The following PKHD1 variants were observed in gnomAD, a reference collection of about 807,000 sequenced individuals.
The protein encoded by PKHD1 is PKHD1 ciliary IPT domain containing fibrocystin/polyductin.
A neutral mutation model predicts 412.0 loss-of-function variants in PKHD1; 291 were observed. That is an observed-to-expected ratio of 0.71 (90% CI 0.64 to 0.78). The LOEUF (loss-of-function observed/expected upper bound fraction) is 0.78, where lower values mean the gene tolerates loss of function less well. PKHD1 is among the 30% of genes least tolerant of loss of function. The pLI is 0.00. For missense variants in PKHD1, 4,825 were observed against 4,950.7 expected, an observed-to-expected ratio of 0.97 and a Z score of 0.76; for synonymous variants, 1,777 against 1,821.5, an observed-to-expected ratio of 0.98 and a Z score of 0.62.
chr6:51,794,572 T>G (rs374419398), intron 52 of PKHD1, among the ~76,000 whole-genome samples: 14 of 152,356 alleles, frequency 9.2e-5, no homozygotes, highest in African/African-American at 3.1e-4. Flanking sequence ...GCTTTTGGCA[T>G]CTTCATCATG....
chr6:51,629,754 A>G (rs1043460792), intron 65 of PKHD1, among the ~76,000 whole-genome samples: 5 of 152,126 alleles, frequency 3.3e-5, no homozygotes, highest in Admixed American at 6.6e-5. Context: ...ATGGAACACC[A>G]TTTTTACTTG....
chr6:51,673,964 G>A (rs1775431839), intron 60 of PKHD1, among the ~76,000 whole-genome samples: 1 of 152,170 alleles, frequency 6.6e-6, no homozygotes. Flanking sequence ...AAGGTTGGGT[G>A]AGCTCATGAA....
At chr6:51,951,220 T>C (rs1790317802) in intron 36 of PKHD1, among the ~76,000 whole-genome samples, 1 of 152,132 alleles carries the variant, frequency 6.6e-6, no homozygotes, top group African/African-American at 2.4e-5. Context: ...ACTTATTTTA[T>C]CAACAAAGCT....
chr6:51,675,388 C>A (rs1193944522), intron 60 of PKHD1, among the ~76,000 whole-genome samples: 1 of 152,110 alleles, frequency 6.6e-6, no homozygotes, highest in Admixed American at 6.6e-5. Flanking sequence ...TCTTTTCTCC[C>A]ACTTCTCCAA....
At chr6:51,730,823 G>A (rs940986550) in intron 60 of PKHD1, among the ~76,000 whole-genome samples, 1 of 152,152 alleles carries the variant, frequency 6.6e-6, no homozygotes, top group African/African-American at 2.4e-5. Flanking sequence ...GCATACACAT[G>A]AAAATATAAA....
chr6:51,855,926 T>C lies in PKHD1; in HGVS notation c.7878A>G (p.Gln2626=). 2.5e-6 allele frequency: 4 copies of C among 1,614,054 alleles called. No individual in the cohort carries two copies. The highest frequency in any genetic ancestry group is 2.5e-6 in the Non-Finnish European group (3 of 1,179,894). Residue 2626 remains glutamine (Q), a synonymous_variant, in exon 49 of 67, where the codon CAA becomes CAG. Coordinates refer to ENST00000371117, the MANE Select transcript of PKHD1 (RefSeq NM_138694.4). ...LLLDQETYSL[Q]SENLWINRSL... ...ATCTGTTGATCCAAAGGTTCTCAGA[T>C]TGCAATGAGTAGGTCTCTTGGTCCA...
chr6:51,845,070 A>T (rs1673507623), intron 50 of PKHD1, among the ~76,000 whole-genome samples: 2 of 152,194 alleles, frequency 1.3e-5, no homozygotes, highest in Non-Finnish European at 2.9e-5. Flanking sequence ...TTACAATCTA[A>T]TCAATATATA....
intron 37 of PKHD1, among the ~76,000 whole-genome samples, chr6:51,913,173 A>G (rs1260431980): frequency 6.6e-6 from 1 of 152,054 alleles, no homozygotes; most frequent in Non-Finnish European, 1.5e-5. Context: ...AGACCTCCAT[A>G]ACTAATTTCC....
In PKHD1 at chr6:51,906,297, T is replaced by C; in HGVS notation, c.6726A>G (p.Arg2242=). ...QGCTVRNSFS[R]GLSMCGTLGL... Reference sequence around the variant, plus strand: ...CCAAGGTCCCGCACATGCTGAGGCCTCTACTGAAGGAGTTCCTCACTGTGC... The same window carrying C: ...CCAAGGTCCCGCACATGCTGAGGCCCCTACTGAAGGAGTTCCTCACTGTGC... Residue 2242 remains arginine (R), a synonymous_variant, in exon 41 of 67, where the codon AGA becomes AGG. Coordinates refer to ENST00000371117, the MANE Select transcript of PKHD1 (RefSeq NM_138694.4). The C allele has an allele frequency of 6.2e-7, 1 of 1,609,586 alleles. No homozygotes were observed. The highest frequency in any genetic ancestry group is 1.1e-5 in the South Asian group (1 of 90,996).
intron 52 of PKHD1, among the ~76,000 whole-genome samples, chr6:51,824,825 C>A (rs1408519828): frequency 1.3e-5 from 2 of 152,116 alleles, no homozygotes; most frequent in East Asian, 1.9e-4. Flanking sequence ...AAAGATTTGA[C>A]CACAAGTTGC....
intron 52 of PKHD1, among the ~76,000 whole-genome samples, chr6:51,808,672 T>G (rs748537489): frequency 6.6e-6 from 1 of 152,128 alleles, no homozygotes; most frequent in East Asian, 1.9e-4. Flanking sequence ...GACTTCCTGT[T>G]TCTAATGTCC....
intron 36 of PKHD1, among the ~76,000 whole-genome samples, chr6:51,955,481 T>C (rs1205765450): frequency 6.6e-6 from 1 of 152,066 alleles, no homozygotes; most frequent in African/African-American, 2.4e-5. Context: ...AAAATGTCAA[T>C]TCTATTTTAT....
At chr6:52,028,617 T>C (rs757745017) in intron 29 of PKHD1, among the ~76,000 whole-genome samples, 18 of 151,118 alleles carry the variant, frequency 1.2e-4, no homozygotes, top group African/African-American at 1.9e-4. Flanking sequence ...GCTCAAGCAA[T>C]CCTCCCAACT....
chr6:51,989,951 G>GGAAA (rs1796800960), intron 35 of PKHD1, among the ~76,000 whole-genome samples: 1 of 104,568 alleles, frequency 9.6e-6, no homozygotes, highest in African/African-American at 3.7e-5. Context: ...AAGGAAGAAA[G>GGAAA]GAAGGAAAGA....
chr6:51,650,340 CA>C (rs1295170415), intron 61 of PKHD1, among the ~76,000 whole-genome samples: 11 of 152,096 alleles, frequency 7.2e-5, no homozygotes, highest in African/African-American at 2.4e-4. Context: ...AGATGTTTGG[CA>C]ACTAAATGCA....
Position 51,847,864 on chromosome 6 carries a change from C to G in PKHD1, c.8018G>C (p.Gly2673Ala). The part of the protein sequence containing the change: ...DILLRCGSRV[G>A]LSFPFLPSPG... The stretch of plus-strand genomic sequence containing the variant: ...TGATGGAAGAAATGGAAAAGACAGA[C>G]CCACTCGACTCCCACATCTTAGGAG... The change falls in exon 50 of 67, where the codon GGT becomes GCT. Residue 2673 changes from glycine (G) to alanine (A), a missense_variant. Transcript: ENST00000371117. 6.2e-7 allele frequency: 1 copy of G among 1,613,854 alleles called. No individual in the cohort carries two copies. Among genetic ancestry groups the G allele is most frequent in the Non-Finnish European group, 8.5e-7 (1 of 1,179,734 alleles).
chr6:51,931,359 T>C (rs1380916572), intron 37 of PKHD1, among the ~76,000 whole-genome samples: 2 of 152,186 alleles, frequency 1.3e-5, no homozygotes, highest in Admixed American at 6.5e-5. Flanking sequence ...TTGCTCACTA[T>C]TTTGCATACT....
At chr6:51,937,111 T>G (rs1167556141) in intron 36 of PKHD1, among the ~76,000 whole-genome samples, 1 of 152,198 alleles carries the variant, frequency 6.6e-6, no homozygotes, top group Non-Finnish European at 1.5e-5. Flanking sequence ...CCACAACCAC[T>G]TATCTTAACC....
chr6:52,043,213 T>C (rs1805213151), intron 26 of PKHD1, 79 bp from the exon 27 acceptor site: 1 of 1,143,112 alleles, frequency 8.7e-7, no homozygotes, highest in Non-Finnish European at 1.3e-6. Flanking sequence ...CCTCTCACTA[T>C]CATCAAATGT....
Sources: allele counts gnomAD v4.1 joint callset (sites outside exome capture counted in the v4.1 genomes callset), GRCh38; gene constraint gnomAD v4.1.1; transcripts MANE v1.5; gene names NCBI Gene and HGNC (gene_info 2026-07-23, HGNC 2026-07-21).